CIP2A: variants seen among roughly 807,000 people sequenced by gnomAD.
The protein encoded by CIP2A is cellular inhibitor of PP2A.
A neutral mutation model predicts 110.9 loss-of-function variants in CIP2A; 103 were observed. That is an observed-to-expected ratio of 0.93 (90% confidence interval 0.79 to 1.09). The LOEUF (loss-of-function observed/expected upper bound fraction) is 1.09. Ranked by LOEUF, CIP2A falls within the 50% of genes least tolerant of loss-of-function variation. The pLI is 0.00. For synonymous variants in CIP2A, 381 were observed against 361.6 expected (o/e 1.05, Z -0.61); for missense variants, 1,088 against 1,038.4 (o/e 1.05, Z -0.66).
chr3:108,561,290 TG>T (rs1937998045), intron 13 of CIP2A, among the ~76,000 whole-genome samples: 1 of 152,194 alleles, frequency 6.6e-6, no homozygotes, highest in African/African-American at 2.4e-5. Context: ...TCATATGAGC[TG>T]TTCCTTTATC....
chr3:108,560,709 T>G lies in CIP2A; in HGVS notation c.1767A>C (p.Lys589Asn), dbSNP rs1937977059. 2.5e-6 allele frequency: 4 copies of G among 1,611,400 alleles called. No individual in the cohort carries two copies. The highest frequency in any genetic ancestry group is 3.4e-6 in the Non-Finnish European group (4 of 1,178,776). ...TSIKCLTPHL[K>N]DGVPGLNIEE... Reference sequence around the variant, plus strand: ...CAATATTCAATCCAGGAACACCATCTTTCAAATGAGGAGTTAAACACTTTA... The same window carrying G: ...CAATATTCAATCCAGGAACACCATCGTTCAAATGAGGAGTTAAACACTTTA... The change falls in exon 14 of 21, where the codon AAA becomes AAC. Residue 589 changes from lysine (K) to asparagine (N), a missense_variant. By Grantham distance (94) the Lys-to-Asn change is moderately conservative. Transcript: ENST00000295746.
rs1027908120 is a variant in CIP2A, at chr3:108,565,582, T to A, written c.1416-128A>T. 1.5e-4 allele frequency: 85 copies of A among 551,056 alleles called. No individual in the cohort carries two copies. The Middle Eastern group carries it at 1.8e-3, about 12-fold the overall frequency. 34.1% of individuals were successfully genotyped at this position (551,056 alleles called of 1,614,324 possible). The stretch of plus-strand genomic sequence containing the variant: ...TTTTAAATTCAAGATGATAAAGTCC[T>A]GTTTCTATTGAGAAGTAAAAATCTC... On this transcript the variant is annotated intron_variant, in intron 11 of 20. Transcript: ENST00000295746.
intron 16 of CIP2A, among the ~76,000 whole-genome samples, chr3:108,558,157 G>T (rs1191331253): frequency 6.6e-6 from 1 of 152,014 alleles, no homozygotes; most frequent in African/African-American, 2.4e-5. Context: ...TGGGGAGAGG[G>T]AAAAATTATT....
In CIP2A at chr3:108,558,637, G is replaced by A. The variant is rs568725762; in HGVS notation, c.2013+1120C>T. On this transcript the variant is annotated intron_variant, in intron 16 of 20. Transcript: ENST00000295746. ...GAGATAAGCGTAGGTTTGATACACA[G>A]AGGAAGGATCGTCAAACACGTGTGG... Among the ~76,000 whole-genome samples the A allele has an allele frequency of 2.0e-5, 3 of 152,262 alleles. No homozygotes were observed. In the South Asian group the frequency reaches 6.2e-4, roughly 32 times the overall value.
chr3:108,580,001 G>T (rs1938808627), intron 5 of CIP2A, among the ~76,000 whole-genome samples: 1 of 152,184 alleles, frequency 6.6e-6, no homozygotes, highest in Non-Finnish European at 1.5e-5. Context: ...GTAAATCAGG[G>T]TGTCAATTCT....
intron 5 of CIP2A, among the ~76,000 whole-genome samples, chr3:108,580,988 T>C (rs1030033182): frequency 5.3e-5 from 8 of 152,232 alleles, no homozygotes; most frequent in Admixed American, 2.6e-4. Flanking sequence ...TTATCACAAG[T>C]ACTGTTGGTT....
chr3:108,553,779 A>G (rs1314869699), intron 18 of CIP2A, 49 bp from the exon 19 acceptor site: 2 of 1,458,660 alleles, frequency 1.4e-6, no homozygotes, highest in South Asian at 1.2e-5. Flanking sequence ...ACCATATACC[A>G]TTTGTAACTT....
In CIP2A at chr3:108,585,185, G is replaced by A. The variant is rs767332590; in HGVS notation, c.130C>T (p.Leu44=). ...GTTAATATCTGATTTGATGTAAATA[G>A]TCGTGTGAGTTTCTGTCCAGAAATT... is the stretch of plus-strand genomic sequence containing the variant. The part of the protein sequence containing the change: ...EVISGQKLTR[L]FTSNQILTSE... Residue 44 remains leucine, a synonymous_variant, in exon 2 of 21, where the codon CTA becomes TTA. Coordinates refer to ENST00000295746, the MANE Select transcript of CIP2A (RefSeq NM_020890.3). 1 of 1,610,804 alleles carries A rather than the reference G, an allele frequency of 6.2e-7. No homozygotes were observed. Among genetic ancestry groups the A allele is most frequent in the Non-Finnish European group, 8.5e-7 (1 of 1,178,390 alleles).
rs749906882 is a variant in CIP2A, at chr3:108,559,840, A to G, written c.1930T>C (p.Leu644=). Residue 644 remains leucine (L), a synonymous_variant, in exon 16 of 21, where the codon TTG becomes CTG. Coordinates refer to ENST00000295746, the MANE Select transcript of CIP2A (RefSeq NM_020890.3). ...GCAAGGGCTAGAGCTTTTGTTTCCA[A>G]AAGATCTTGTAGCCTGCTTTCTTTG... ...ASKESRLQDL[L]ETKALALAQA... is the part of the protein sequence containing the mutation. 4 of 1,607,402 alleles carry G rather than the reference A, an allele frequency of 2.5e-6. No homozygotes were observed.
In CIP2A at chr3:108,571,750, A is replaced by G. The variant is rs74874159; in HGVS notation, c.895-2143T>C. On this transcript the variant is annotated intron_variant, in intron 8 of 20. Coordinates refer to ENST00000295746, the MANE Select transcript of CIP2A (RefSeq NM_020890.3). ...GCAGTACTACATTTTGTACACATGT[A>G]AACAATTCTTTGGGATAAATACCTA... Among the ~76,000 whole-genome samples, 491 of 152,298 alleles carry G rather than the reference A, an allele frequency of 3.2e-3. 1 individual carries two copies. The highest frequency in any genetic ancestry group is 4.9e-3 in the Non-Finnish European group (333 of 68,016).
rs752027191 is a variant in CIP2A, at chr3:108,553,754, AG to A, written c.2325-25del. On this transcript the variant is annotated intron_variant, in intron 18 of 20. Transcript: ENST00000295746. ...TTCTGAAGTTATTAAAAAAAATAGA[AG>A]AAAACATTAATGAACCATATACCAT... is the stretch of plus-strand genomic sequence containing the variant. 40 of 1,518,888 alleles carry A rather than the reference AG, an allele frequency of 2.6e-5. No homozygotes were observed. In the South Asian group the frequency reaches 4.5e-4, roughly 17 times the overall value. The allele number at this position is 1,518,888 out of a possible 1,614,324, so 94.1% of individuals were successfully genotyped here.
At chr3:108,588,856 G>A (rs1939194764) in intron 1 of CIP2A, among the ~76,000 whole-genome samples, 1 of 152,222 alleles carries the variant, frequency 6.6e-6, no homozygotes, top group African/African-American at 2.4e-5. Context: ...TCAAGTAAGA[G>A]CAGTAAGCAA....
intron 5 of CIP2A, 96 bp from the exon 6 acceptor site, chr3:108,579,784 A>G (rs1168194856): frequency 3.4e-6 from 2 of 580,012 alleles, no homozygotes; most frequent in Non-Finnish European, 2.8e-6. Context: ...ACTTTTATTA[A>G]ACATCATTAT....
chr3:108,585,141 G>A lies in CIP2A; in HGVS notation c.174C>T (p.Cys58=). The A allele has an allele frequency of 6.2e-7, 1 of 1,613,170 alleles. No individual in the cohort carries two copies. Among genetic ancestry groups the A allele is most frequent in the Non-Finnish European group, 8.5e-7 (1 of 1,179,288 alleles). Residue 58 remains cysteine, a synonymous_variant, in exon 2 of 21, where the codon TGC becomes TGT. Coordinates refer to ENST00000295746, the MANE Select transcript of CIP2A (RefSeq NM_020890.3). The part of the protein sequence containing the change: ...NQILTSECLS[C]LVELLEDPNI... ...TGGGGTCTTCAAGTAGCTCTACAAG[G>A]CAACTCAAGCATTCACTTGTTAATA...
In CIP2A at chr3:108,559,794, GCAAT is replaced by G; in HGVS notation, c.1972_1975del (p.Ile658LeufsTer21). On this transcript the variant is annotated frameshift_variant, in exon 16 of 21. Coordinates refer to ENST00000295746, the MANE Select transcript of CIP2A (RefSeq NM_020890.3). LOFTEE classifies it high-confidence loss of function. ...TTGAGTTCTTTGACAGCGATGCTGA[GCAAT>G]CAGTCTATCAGCCTGTGCAAGGGCT... is the stretch of plus-strand genomic sequence containing the variant. The G allele has an allele frequency of 6.3e-7, 1 of 1,593,804 alleles. No homozygotes were observed. The highest frequency in any genetic ancestry group is 1.1e-5 in the South Asian group (1 of 89,126).
intron 16 of CIP2A, among the ~76,000 whole-genome samples, chr3:108,559,186 G>A (rs1251612185): frequency 6.6e-6 from 1 of 152,100 alleles, no homozygotes; most frequent in African/African-American, 2.4e-5. Context: ...GCAGAAAAGA[G>A]TAATATTTAG....
intron 8 of CIP2A, among the ~76,000 whole-genome samples, chr3:108,572,574 C>T (rs1196774056): frequency 1.4e-5 from 2 of 143,830 alleles, no homozygotes; most frequent in African/African-American, 5.1e-5. Context: ...TTAGACTAAT[C>T]CCCTAAGCAC....
intron 14 of CIP2A, 112 bp downstream of exon 14, chr3:108,560,532 CTTATA>C (rs1478166561): frequency 1.6e-6 from 1 of 639,014 alleles, no homozygotes; most frequent in African/African-American, 1.9e-5. Flanking sequence ...ATTGTTATTT[CTTATA>C]TTAAGGTTTC....
chr3:108,585,304 C>T (rs2107372922), intron 1 of CIP2A, 92 bp from the exon 2 acceptor site: 2 of 1,135,398 alleles, frequency 1.8e-6, no homozygotes, highest in East Asian at 2.5e-5. Context: ...CCTCAAAGTG[C>T]CACTGCTACC....
Sources: allele counts gnomAD v4.1 joint callset (sites outside exome capture counted in the v4.1 genomes callset), GRCh38; gene constraint gnomAD v4.1.1; transcripts MANE v1.5; gene names NCBI Gene and HGNC (gene_info 2026-07-23, HGNC 2026-07-21).